The following SASH1 variants were observed in gnomAD, a reference collection of about 807,000 sequenced individuals.
The protein encoded by SASH1 is SAM and SH3 domain containing 1.
Under a neutral mutation model 125.2 loss-of-function variants are expected in SASH1, and 44 were observed. The observed-to-expected ratio is 0.35, with a 90% confidence interval of 0.28 to 0.45. The LOEUF is 0.45. SASH1 is among the 20% of genes least tolerant of loss of function. SASH1 has a pLI of 1.00. For synonymous variants in SASH1, 639 were observed against 649.1 expected, an observed-to-expected ratio of 0.98 and a Z score of 0.24; for missense variants, 1,426 against 1,614.5, an observed-to-expected ratio of 0.88 and a Z score of 2.00.
At chr6:148,307,776 G>A (rs1046761505) in intron 1 of SASH1, among the ~76,000 whole-genome samples, 19 of 152,078 alleles carry the variant, frequency 1.2e-4, no homozygotes, top group Non-Finnish European at 2.2e-4. Context: ...TATTTTGGTG[G>A]AAAGCAAATC....
intron 8 of SASH1, among the ~76,000 whole-genome samples, chr6:148,491,458 T>TG (rs910101039): frequency 1.7e-4 from 26 of 152,122 alleles, no homozygotes; most frequent in Admixed American, 1.6e-3. Flanking sequence ...TTAGTAGAGA[T>TG]GGGGTTTCAC....
chr6:148,398,084 C>A (rs1383856248), intron 2 of SASH1, among the ~76,000 whole-genome samples: 1 of 152,120 alleles, frequency 6.6e-6, no homozygotes, highest in Non-Finnish European at 1.5e-5. Flanking sequence ...GTCACAGTTT[C>A]ATCCAAGGCC....
At chr6:148,463,205 CG>C (rs1325234123) in intron 4 of SASH1, among the ~76,000 whole-genome samples, 5 of 151,346 alleles carry the variant, frequency 3.3e-5, no homozygotes, top group African/African-American at 1.2e-4. Flanking sequence ...AGTGCAGTGG[CG>C]CAATCTCGGC....
chr6:148,224,985 G>T, the SASH1 span, among the ~76,000 whole-genome samples: 2 of 152,270 alleles, frequency 1.3e-5, no homozygotes, highest in Non-Finnish European at 2.9e-5. Context: ...TGGGAGAAGT[G>T]GTTCCCAAGG....
At chr6:148,432,606 G>A (rs1776111080) in intron 2 of SASH1, among the ~76,000 whole-genome samples, 1 of 152,202 alleles carries the variant, frequency 6.6e-6, no homozygotes, top group Non-Finnish European at 1.5e-5. Context: ...GTGTGGAGGA[G>A]GAGAACTTGG....
intron 4 of SASH1, among the ~76,000 whole-genome samples, chr6:148,461,108 A>T (rs1349937073): frequency 1.3e-5 from 2 of 152,178 alleles, no homozygotes; most frequent in Non-Finnish European, 2.9e-5. Flanking sequence ...GTCTCATGTG[A>T]TCCTCTTAAC....
intron 2 of SASH1, among the ~76,000 whole-genome samples, chr6:148,402,546 T>C (rs1297722911): frequency 2.6e-5 from 4 of 152,038 alleles, no homozygotes; most frequent in African/African-American, 9.7e-5. Flanking sequence ...TGACCTCAAA[T>C]GATCCGCCTG....
At chr6:148,522,859 G>A (rs1780902625) in intron 10 of SASH1, among the ~76,000 whole-genome samples, 1 of 152,100 alleles carries the variant, frequency 6.6e-6, no homozygotes, top group African/African-American at 2.4e-5. Context: ...CTCTTTTGAA[G>A]GAATGCTGTT....
At chr6:148,355,926 T>C (rs1482266103) in intron 1 of SASH1, among the ~76,000 whole-genome samples, 1 of 152,194 alleles carries the variant, frequency 6.6e-6, no homozygotes, top group Non-Finnish European at 1.5e-5. Context: ...TTTGGTTACA[T>C]GAATAAGTTC....
chr6:148,417,623 C>T (rs747434723), intron 2 of SASH1, among the ~76,000 whole-genome samples: 4 of 121,610 alleles, frequency 3.3e-5, no homozygotes, highest in Admixed American at 8.9e-5. Context: ...GCATGTATCC[C>T]ATAGTCAAAT....
At chr6:148,345,597 G>A (rs990102272) in intron 1 of SASH1, among the ~76,000 whole-genome samples, 4 of 152,150 alleles carry the variant, frequency 2.6e-5, no homozygotes, top group African/African-American at 4.8e-5. Context: ...AGGCTAAAAG[G>A]GAGGGAAAGC....
intron 2 of SASH1, among the ~76,000 whole-genome samples, chr6:148,439,279 A>G (rs976711394): frequency 6.6e-6 from 1 of 152,136 alleles, no homozygotes; most frequent in African/African-American, 2.4e-5. Flanking sequence ...GTGCATTCTT[A>G]ATATCAAGTA....
At chr6:148,316,054 C>T (rs1331690303) in intron 1 of SASH1, among the ~76,000 whole-genome samples, 1 of 152,140 alleles carries the variant, frequency 6.6e-6, no homozygotes, top group Non-Finnish European at 1.5e-5. Flanking sequence ...TCCTGGAGCA[C>T]CAATGTTTTG....
chr6:148,289,336 C>T (rs1779564351), intron 1 of SASH1, among the ~76,000 whole-genome samples: 1 of 152,208 alleles, frequency 6.6e-6, no homozygotes. Context: ...TTGGTGCCAA[C>T]ACCCCACTGG....
the SASH1 span, among the ~76,000 whole-genome samples, chr6:148,235,505 A>C: frequency 1.3e-5 from 2 of 152,190 alleles, no homozygotes; most frequent in Non-Finnish European, 2.9e-5. Context: ...GAAACTGTAT[A>C]ATTTTTAAAA....
chr6:148,338,991 G>C (rs549609890), upstream of SASH1, among the ~76,000 whole-genome samples: 1 of 126,378 alleles, frequency 7.9e-6, no homozygotes, highest in South Asian at 2.7e-4. Flanking sequence ...GGCAATGAGC[G>C]AGACTCTGTC....
intron 2 of SASH1, among the ~76,000 whole-genome samples, chr6:148,410,291 A>G (rs867594023): frequency 2.6e-5 from 4 of 151,472 alleles, no homozygotes; most frequent in African/African-American, 7.3e-5. Context: ...TTGTATTTTT[A>G]GTAGAGACGG....
rs201099049 is a variant in SASH1, at chr6:148,544,085, C to T, written c.2615C>T (p.Thr872Met). 11 of 1,614,032 alleles carry T rather than the reference C, an allele frequency of 6.8e-6. No individual in the cohort carries two copies. The highest frequency in any genetic ancestry group is 5.5e-5 in the South Asian group (5 of 91,074). Residue 872 changes from threonine to methionine, a missense_variant, in exon 18 of 20, where the codon ACG (threonine) becomes ATG (methionine). Around this residue, in one of 3 missense-constraint regions of SASH1, gnomAD observed 634 missense variants for 694.4 expected, o/e 0.91. Coordinates refer to ENST00000367467, the MANE Select transcript of SASH1 (RefSeq NM_015278.5). This position sits in a 1 kb window ranked among gnomAD's most constrained non-coding sequence, Gnocchi z 6.4. ...PQIVPEVPQKTTASSTKAQPL... is the reference protein window; with the variant it reads ...PQIVPEVPQKMTASSTKAQPL... ...ATTGTACCTGAAGTGCCACAGAAGA[C>T]GACCGCCTCTTCCACGAAGGCCCAG...
At chr6:148,298,807 GAAA>G (rs147986016) in intron 1 of SASH1, among the ~76,000 whole-genome samples, 1 of 136,608 alleles carries the variant, frequency 7.3e-6, no homozygotes, top group Non-Finnish European at 1.5e-5. Context: ...AAAAGAGAAA[GAAA>G]AAAGAGAGGG....
Sources: allele counts gnomAD v4.1 joint callset (sites outside exome capture counted in the v4.1 genomes callset), GRCh38; gene constraint gnomAD v4.1.1; regional missense constraint gnomAD v4.1.1; non-coding constraint Gnocchi (gnomAD v3.1); transcripts MANE v1.5; gene names NCBI Gene and HGNC (gene_info 2026-07-23, HGNC 2026-07-21).